Variants in SAMD3 observed in about 807,000 individuals in gnomAD.
SAMD3 encodes sterile alpha motif domain-containing protein 3.
A neutral mutation model predicts 58.5 loss-of-function variants in SAMD3; 63 were observed. The ratio of observed to expected loss-of-function variants is 1.08; its 90% CI spans 0.88 to 1.33. The LOEUF (loss-of-function observed/expected upper bound fraction) is 1.33. Ranked by LOEUF, SAMD3 falls within the 40% of genes most tolerant of loss-of-function variation. The pLI is 0.00. For synonymous variants in SAMD3, 220 were observed against 210.3 expected, an observed-to-expected ratio of 1.05 and a Z score of -0.40; for missense variants, 604 against 608.4, an observed-to-expected ratio of 0.99 and a Z score of 0.08.
chr6:130,237,004 A>G (rs902960943), intron 2 of SAMD3, among the ~76,000 whole-genome samples: 2 of 152,198 alleles, frequency 1.3e-5, no homozygotes, highest in Non-Finnish European at 2.9e-5. Context: ...ATAATATAAA[A>G]CCAACTCAAA....
chr6:130,156,668 G>A (rs972134285), intron 8 of SAMD3, among the ~76,000 whole-genome samples: 10 of 152,046 alleles, frequency 6.6e-5, no homozygotes, highest in East Asian at 1.9e-4. Flanking sequence ...TTTGAGAAAC[G>A]TGGTGTATGA....
chr6:130,188,827 C>T (rs1793246143), intron 5 of SAMD3, among the ~76,000 whole-genome samples: 2 of 152,162 alleles, frequency 1.3e-5, no homozygotes, highest in African/African-American at 4.8e-5. Flanking sequence ...TCTCTGACAA[C>T]TTGTTTATTT....
Position 130,218,053 on chromosome 6 carries a change from A to C in SAMD3, c.-67-1437T>G, listed in dbSNP as rs77092225. Among the ~76,000 whole-genome samples, 226 of 152,310 alleles carry C rather than the reference A, an allele frequency of 1.5e-3. 4 individuals carry two copies. The East Asian group carries it at 0.025, about 17-fold the overall frequency. On this transcript the variant is annotated intron_variant, in intron 1 of 11. Coordinates refer to ENST00000439090, the MANE Select transcript of SAMD3 (RefSeq NM_001017373.4). ...TCTCTTGGGTAGCAGCCTCGCTACC[A>C]TGGGAGGTGATAGTGTTGTAGGACT... is the stretch of plus-strand genomic sequence containing the variant.
At chr6:130,214,847 G>T (rs1795895455) in intron 3 of SAMD3, among the ~76,000 whole-genome samples, 1 of 152,060 alleles carries the variant, frequency 6.6e-6, no homozygotes, top group Non-Finnish European at 1.5e-5. Context: ...CTTCGTAATA[G>T]CTCCTAGCCA....
At chr6:130,196,486 C>T (rs1446329152) in intron 5 of SAMD3, among the ~76,000 whole-genome samples, 1 of 152,168 alleles carries the variant, frequency 6.6e-6, no homozygotes, top group Non-Finnish European at 1.5e-5. Context: ...CCCTGTTTCT[C>T]ACCCTGATCA....
intron 1 of SAMD3, among the ~76,000 whole-genome samples, chr6:130,320,777 T>G (rs189740692): frequency 1.3e-4 from 20 of 152,334 alleles, no homozygotes; most frequent in South Asian, 4.1e-4. Context: ...TATATAAAAT[T>G]CTTAAAATTA....
intron 7 of SAMD3, among the ~76,000 whole-genome samples, chr6:130,178,024 G>T (rs545408133): frequency 9.9e-5 from 15 of 152,150 alleles, no homozygotes; most frequent in South Asian, 4.2e-4. Flanking sequence ...GCTCAGGCTG[G>T]AGTGCAATGG....
intron 2 of SAMD3, among the ~76,000 whole-genome samples, chr6:130,293,722 G>T (rs1396052947): frequency 6.9e-6 from 1 of 144,652 alleles, no homozygotes; most frequent in Non-Finnish European, 1.5e-5. Flanking sequence ...TTTTATAATT[G>T]CCAGAAGTGA....
intron 2 of SAMD3, among the ~76,000 whole-genome samples, chr6:130,271,135 G>T (rs1308246039): frequency 1.2e-4 from 18 of 152,010 alleles, no homozygotes. Context: ...AAGTAGCTGG[G>T]ACTACAGGAG....
chr6:130,256,678 G>GCTC (rs1773938038), intron 2 of SAMD3, among the ~76,000 whole-genome samples: 1 of 152,148 alleles, frequency 6.6e-6, no homozygotes, highest in Admixed American at 6.5e-5. Context: ...CATGGAAACA[G>GCTC]ATGTTGTTGC....
chr6:130,355,161 C>A (rs1358054292), intron 1 of SAMD3, among the ~76,000 whole-genome samples: 1 of 152,158 alleles, frequency 6.6e-6, no homozygotes, highest in African/African-American at 2.4e-5. Flanking sequence ...CGGTGGCTCA[C>A]GCCTGTGATC....
chr6:130,280,295 C>T (rs1311035083), intron 2 of SAMD3, among the ~76,000 whole-genome samples: 1 of 152,208 alleles, frequency 6.6e-6, no homozygotes, highest in African/African-American at 2.4e-5. Context: ...TGTGGTTTGA[C>T]ATTTAATTAT....
intron 5 of SAMD3, among the ~76,000 whole-genome samples, chr6:130,208,927 G>T (rs1433766401): frequency 6.6e-6 from 1 of 152,080 alleles, no homozygotes; most frequent in Non-Finnish European, 1.5e-5. Context: ...TCTTACCTAT[G>T]ACCATCTCAG....
intron 2 of SAMD3, among the ~76,000 whole-genome samples, chr6:130,299,429 G>A (rs1002912570): frequency 4.6e-5 from 7 of 152,108 alleles, no homozygotes; most frequent in African/African-American, 1.7e-4. Flanking sequence ...TGAGAATGGA[G>A]ACACAACACA....
At chr6:130,203,906 T>C (rs1313379321) in intron 5 of SAMD3, among the ~76,000 whole-genome samples, 1 of 152,222 alleles carries the variant, frequency 6.6e-6, no homozygotes, top group Non-Finnish European at 1.5e-5. Context: ...CACAACTGTA[T>C]GGCCCCTTGC....
chr6:130,354,332 C>A (rs899215098), intron 1 of SAMD3, among the ~76,000 whole-genome samples: 2 of 151,972 alleles, frequency 1.3e-5, no homozygotes, highest in African/African-American at 4.8e-5. Context: ...GAGTATATAC[C>A]CAAAGTAATG....
chr6:130,158,115 A>G (rs1290556144), intron 8 of SAMD3, among the ~76,000 whole-genome samples: 3 of 152,336 alleles, frequency 2.0e-5, no homozygotes, highest in South Asian at 2.1e-4. Context: ...ATATTGTAAG[A>G]AAGTCATCTT....
intron 1 of SAMD3, among the ~76,000 whole-genome samples, chr6:130,347,000 C>T (rs1002121800): frequency 1.3e-5 from 2 of 152,338 alleles, no homozygotes; most frequent in Non-Finnish European, 2.9e-5. Context: ...CAAACTCCAA[C>T]AGACCTGCAG....
At chr6:130,276,125 A>G (rs4897393) in intron 2 of SAMD3, among the ~76,000 whole-genome samples, 17,726 of 152,030 alleles carry the variant, frequency 0.12, 1,157 homozygotes, top group Admixed American at 0.16. Flanking sequence ...GGAATTACGT[A>G]CTTTGAAAAT....
Sources: allele counts gnomAD v4.1 joint callset (sites outside exome capture counted in the v4.1 genomes callset), GRCh38; gene constraint gnomAD v4.1.1; transcripts MANE v1.5; gene names NCBI Gene and HGNC (gene_info 2026-07-23, HGNC 2026-07-21).